The following MSRB3 variants were observed in gnomAD, a reference collection of about 807,000 sequenced individuals.
The protein encoded by MSRB3 is methionine sulfoxide reductase B3.
A neutral mutation model predicts 21.0 loss-of-function variants in MSRB3; 13 were observed. That is an observed-to-expected ratio of 0.62 (90% CI 0.40 to 0.98). The LOEUF is 0.98. MSRB3 is among the 50% of genes least tolerant of loss of function. MSRB3 has a pLI of 0.00. For missense variants in MSRB3, 199 were observed against 230.3 expected (o/e 0.86, Z 0.88); for synonymous variants, 87 against 88.6 (o/e 0.98, Z 0.10).
At chr12:65,376,524 G>A (rs1212164906) in intron 5 of MSRB3, among the ~76,000 whole-genome samples, 2 of 152,140 alleles carry the variant, frequency 1.3e-5, no homozygotes, top group East Asian at 1.9e-4. Flanking sequence ...TCCTTGTAGA[G>A]AACATTACTG....
chr12:65,396,704 A>AAAAAAAAAAAGAAAG (rs1383726558), intron 5 of MSRB3, among the ~76,000 whole-genome samples: 1 of 54,134 alleles, frequency 1.8e-5, no homozygotes, highest in African/African-American at 6.7e-5. Context: ...AAAAAAAAAA[A>AAAAAAAAAAAGAAAG]AAAGAAAGAA....
chr12:65,454,014 T>C, intron 6 of MSRB3, 189 bp downstream of exon 6: 1 of 687,816 alleles, frequency 1.5e-6, no homozygotes, highest in Non-Finnish European at 2.7e-6. Context: ...GTCGGCATGA[T>C]AGCTCAAGCC....
rs148767159 is a variant in MSRB3 at position 65,434,543 on chromosome 12, C to G, written c.293-19185C>G. On this transcript the variant is annotated intron_variant, in intron 5 of 6. Transcript: ENST00000308259. ...AATATTTATGGAAAGCTTCAGTGAA[C>G]AGATGGGACTTGAAAAAGATATTAA... Among the ~76,000 whole-genome samples the G allele has an allele frequency of 9.9e-5, 15 of 151,920 alleles. 1 individual carries two copies. The highest frequency in any genetic ancestry group is 3.4e-3 in the Middle Eastern group (1 of 294).
chr12:65,369,524 G>A (rs1453162154), intron 5 of MSRB3, among the ~76,000 whole-genome samples: 1 of 152,124 alleles, frequency 6.6e-6, no homozygotes, highest in Non-Finnish European at 1.5e-5. Context: ...GTCACCTTAA[G>A]CCATTATTTT....
At chr12:65,395,043 TAGCCAA>T (rs1351952786) in intron 5 of MSRB3, among the ~76,000 whole-genome samples, 9 of 152,052 alleles carry the variant, frequency 5.9e-5, no homozygotes, top group African/African-American at 2.2e-4. Context: ...CTGATGGTTC[TAGCCAA>T]TTAGGCCAAA....
chr12:65,437,013 T>C lies in MSRB3; in HGVS notation c.293-16715T>C, dbSNP rs189281874. Among the ~76,000 whole-genome samples, 158 of 152,042 alleles carry C rather than the reference T, an allele frequency of 1.0e-3. 3 individuals carry two copies. Among genetic ancestry groups the C allele is most frequent in the Admixed American group, 0.01 (155 of 15,240 alleles). On this transcript the variant is annotated intron_variant, in intron 5 of 6. Transcript: ENST00000308259. Reference sequence around the variant, plus strand: ...ATATACGACAATAAATGTAAAGCACTTAGCATAACATCACAAATAATAACA... The same window carrying C: ...ATATACGACAATAAATGTAAAGCACCTAGCATAACATCACAAATAATAACA...
At chr12:65,429,087 T>G (rs1056209396) in intron 5 of MSRB3, among the ~76,000 whole-genome samples, 2 of 152,110 alleles carry the variant, frequency 1.3e-5, no homozygotes, top group Admixed American at 6.6e-5. Context: ...TCTACTGCCT[T>G]AGGGACAGGA....
intron 4 of MSRB3, among the ~76,000 whole-genome samples, chr12:65,345,818 G>A (rs1396726082): frequency 1.3e-5 from 2 of 152,106 alleles, no homozygotes; most frequent in Non-Finnish European, 2.9e-5. Flanking sequence ...ACCTATGAGT[G>A]AGAACATGTG....
At chr12:65,354,598 G>T (rs1390635418) in intron 4 of MSRB3, among the ~76,000 whole-genome samples, 5 of 151,740 alleles carry the variant, frequency 3.3e-5, no homozygotes, top group Middle Eastern at 3.2e-3. Flanking sequence ...GGACTTCTCG[G>T]CATTGGTTAT....
At chr12:65,425,789 C>T (rs1881570336) in intron 5 of MSRB3, among the ~76,000 whole-genome samples, 1 of 152,118 alleles carries the variant, frequency 6.6e-6, no homozygotes, top group Non-Finnish European at 1.5e-5. Context: ...TCTACACCAT[C>T]ATTACATTAT....
At chr12:65,373,504 T>G (rs1878433776) in intron 5 of MSRB3, among the ~76,000 whole-genome samples, 1 of 151,976 alleles carries the variant, frequency 6.6e-6, no homozygotes, top group South Asian at 2.1e-4. Context: ...CCATAAACAT[T>G]CAAAACAAAG....
intron 5 of MSRB3, among the ~76,000 whole-genome samples, chr12:65,412,794 CA>C (rs1880782269): frequency 6.6e-6 from 1 of 152,046 alleles, no homozygotes; most frequent in South Asian, 2.1e-4. Flanking sequence ...AATTGGCTCA[CA>C]GTTTAGCATG....
At position 65,463,145 on chromosome 12, in the gene MSRB3, T is replaced by A; in HGVS notation, c.391-10T>A. On this transcript the variant is annotated splice_polypyrimidine_tract_variant and intron_variant, in intron 6 of 6. Coordinates refer to ENST00000308259, the MANE Select transcript of MSRB3 (RefSeq NM_001031679.3). ...ATGCTTTTCCCTGACGTTTTGTTCT[T>A]CTCTTTCAGTGTGGTGCTCACCTTG... is the stretch of plus-strand genomic sequence containing the variant. The A allele has an allele frequency of 6.2e-7, 1 of 1,614,042 alleles. No homozygotes were observed.
At chr12:65,405,588 T>A (rs1880370273) in intron 5 of MSRB3, among the ~76,000 whole-genome samples, 1 of 152,142 alleles carries the variant, frequency 6.6e-6, no homozygotes, top group South Asian at 2.1e-4. Flanking sequence ...TGACTTCATA[T>A]TTTTTGGATA....
intron 3 of MSRB3, 45 bp downstream of exon 3, chr12:65,326,979 C>A: frequency 7.1e-7 from 1 of 1,404,594 alleles, no homozygotes; most frequent in Non-Finnish European, 1.0e-6. Context: ...TAGATTTCTT[C>A]TCCCCCTGCC....
intron 5 of MSRB3, among the ~76,000 whole-genome samples, chr12:65,434,138 A>C (rs1882011823): frequency 6.6e-6 from 1 of 151,794 alleles, no homozygotes; most frequent in Non-Finnish European, 1.5e-5. Flanking sequence ...AAAATTAGAC[A>C]AGTAGAATCT....
At chr12:65,320,331 T>A (rs1874582633) in intron 2 of MSRB3, among the ~76,000 whole-genome samples, 1 of 152,092 alleles carries the variant, frequency 6.6e-6, no homozygotes, top group South Asian at 2.1e-4. Flanking sequence ...ACAGATGAAA[T>A]AAAACTGAAA....
intron 4 of MSRB3, among the ~76,000 whole-genome samples, chr12:65,343,256 A>G (rs1245042900): frequency 6.6e-6 from 1 of 152,102 alleles, no homozygotes; most frequent in Admixed American, 6.6e-5. Flanking sequence ...GCCCACTGCC[A>G]TCTCTTCTAA....
In MSRB3 at chr12:65,374,754, G is replaced by T. The variant is rs150248719; in HGVS notation, c.292+5728G>T. ...GATGAGAACACACTGACAAATATTTGTGAATACCGTTCTATTCTTTGTTTT... is the reference window on the plus strand; with the variant it reads ...GATGAGAACACACTGACAAATATTTTTGAATACCGTTCTATTCTTTGTTTT... On this transcript the variant is annotated intron_variant, in intron 5 of 6. Coordinates refer to ENST00000308259, the MANE Select transcript of MSRB3 (RefSeq NM_001031679.3). 3.8e-3 allele frequency among the ~76,000 whole-genome samples: 572 copies of T among 152,226 alleles called. 5 individuals are homozygous for T. The highest frequency in any genetic ancestry group is 0.011 in the African/African-American group (472 of 41,542).
Sources: allele counts gnomAD v4.1 joint callset (sites outside exome capture counted in the v4.1 genomes callset), GRCh38; gene constraint gnomAD v4.1.1; transcripts MANE v1.5; gene names NCBI Gene and HGNC (gene_info 2026-07-23, HGNC 2026-07-21).